Variants in PPARGC1A observed in about 807,000 individuals in gnomAD.
The protein encoded by PPARGC1A is PPARG coactivator 1 alpha.
PPARGC1A carries 25 observed loss-of-function variants against 88.7 expected under a neutral mutation model. The observed-to-expected ratio is 0.28, with a 90% CI of 0.21 to 0.39. PPARGC1A has a LOEUF of 0.39. PPARGC1A is among the 10% of genes least tolerant of loss of function. The pLI is 1.00. For synonymous variants in PPARGC1A, 363 were observed against 355.6 expected (o/e 1.02, Z -0.24); for missense variants, 880 against 968.7 (o/e 0.91, Z 1.22).
the PPARGC1A span, among the ~76,000 whole-genome samples, chr4:24,282,528 C>A: frequency 6.6e-6 from 1 of 152,214 alleles, no homozygotes; most frequent in Admixed American, 6.5e-5. Context: ...TCCATCAGAA[C>A]GTGTCACTGA....
chr4:23,859,848 AATAAAATAAC>A (rs1404681605), intron 2 of PPARGC1A, among the ~76,000 whole-genome samples: 2 of 114,068 alleles, frequency 1.8e-5, no homozygotes, highest in East Asian at 2.5e-4. Flanking sequence ...AATAAAATAA[AATAAAATAAC>A]ACCAAAAAAG....
intron 1 of PPARGC1A, among the ~76,000 whole-genome samples, chr4:23,895,505 C>T (rs976249436): frequency 7.2e-5 from 11 of 151,938 alleles, no homozygotes; most frequent in Admixed American, 2.0e-4. Flanking sequence ...AATAAATTCT[C>T]ATCTTAAGAA....
chr4:24,041,838 AC>A, the PPARGC1A span, among the ~76,000 whole-genome samples: 3 of 152,108 alleles, frequency 2.0e-5, no homozygotes, highest in African/African-American at 7.2e-5. Flanking sequence ...TATATGGGTA[AC>A]AAGTTGTTCT....
the PPARGC1A span, among the ~76,000 whole-genome samples, chr4:23,991,612 T>A: frequency 6.6e-6 from 1 of 152,002 alleles, no homozygotes; most frequent in Non-Finnish European, 1.5e-5. Context: ...TTGACCTGCA[T>A]CATCTCAGCT....
chr4:24,143,700 T>A, the PPARGC1A span, among the ~76,000 whole-genome samples: 7 of 152,366 alleles, frequency 4.6e-5, no homozygotes, highest in Admixed American at 2.0e-4. Flanking sequence ...TTTTGATCAC[T>A]TTTTTATTAA....
chr4:23,961,984 T>C, the PPARGC1A span, among the ~76,000 whole-genome samples: 3 of 152,116 alleles, frequency 2.0e-5, no homozygotes, highest in South Asian at 2.1e-4. Context: ...TAATGAGCAT[T>C]TGCACTGTTA....
At chr4:24,172,303 C>A in the PPARGC1A span, among the ~76,000 whole-genome samples, 7 of 152,184 alleles carry the variant, frequency 4.6e-5, no homozygotes, top group Non-Finnish European at 1.0e-4. Context: ...ACCTCCACCC[C>A]ACTCCATCCC....
chr4:24,074,059 T>C, the PPARGC1A span, among the ~76,000 whole-genome samples: 24 of 152,060 alleles, frequency 1.6e-4, no homozygotes, highest in Non-Finnish European at 2.9e-5. Context: ...AGGAGGAAAG[T>C]GTATTGGCCC....
chr4:24,353,387 T>TAA, the PPARGC1A span, among the ~76,000 whole-genome samples: 329 of 141,754 alleles, frequency 2.3e-3, 2 homozygotes, highest in Admixed American at 3.5e-3. Flanking sequence ...TCTGTGGGCT[T>TAA]AAAAAAAAAA....
At chr4:24,082,265 C>T in the PPARGC1A span, among the ~76,000 whole-genome samples, 1 of 152,144 alleles carries the variant, frequency 6.6e-6, no homozygotes, top group African/African-American at 2.4e-5. Context: ...AGATCATATT[C>T]TTTTATCAGG....
At chr4:23,846,222 T>C (rs997292789) in intron 2 of PPARGC1A, among the ~76,000 whole-genome samples, 13 of 152,158 alleles carry the variant, frequency 8.5e-5, no homozygotes, top group Non-Finnish European at 1.9e-4. Context: ...CCTATAACGA[T>C]AGGATGTAGT....
chr4:23,950,544 G>A, the PPARGC1A span, among the ~76,000 whole-genome samples: 1 of 152,086 alleles, frequency 6.6e-6, no homozygotes, highest in African/African-American at 2.4e-5. Flanking sequence ...CACTGGAACT[G>A]ACTCAGGAAT....
the PPARGC1A span, among the ~76,000 whole-genome samples, chr4:24,384,282 C>T: frequency 2.6e-5 from 4 of 152,050 alleles, no homozygotes; most frequent in African/African-American, 4.8e-5. Context: ...CAAAAACATA[C>T]CAAATTGTAA....
chr4:23,933,889 C>T, the PPARGC1A span, among the ~76,000 whole-genome samples: 1 of 152,184 alleles, frequency 6.6e-6, no homozygotes, highest in Non-Finnish European at 1.5e-5. Context: ...CCCACAGGCA[C>T]CATGACTTCA....
intron 12 of PPARGC1A, among the ~76,000 whole-genome samples, chr4:23,799,023 A>G (rs1158621679): frequency 6.6e-6 from 1 of 152,212 alleles, no homozygotes; most frequent in Non-Finnish European, 1.5e-5. Flanking sequence ...AATTGGTTAA[A>G]TCTATCTAGA....
the PPARGC1A span, among the ~76,000 whole-genome samples, chr4:24,069,732 ATAAAG>A: frequency 1.3e-5 from 2 of 152,250 alleles, no homozygotes; most frequent in Non-Finnish European, 1.5e-5. Context: ...TGCAAAGGAA[ATAAAG>A]TAATTTGTAA....
At chr4:23,811,916 TTTTTTTTTTTTTTTTTTTTG>T (rs1720980259) in intron 10 of PPARGC1A, among the ~76,000 whole-genome samples, 1 of 66,126 alleles carries the variant, frequency 1.5e-5, no homozygotes, top group African/African-American at 5.4e-5. Context: ...TTTTTTTTTT[TTTTTTTTTTTTTTTTTTTTG>T]AGACAGAGTC....
At chr4:23,981,684 G>A in the PPARGC1A span, among the ~76,000 whole-genome samples, 1 of 152,146 alleles carries the variant, frequency 6.6e-6, no homozygotes, top group Admixed American at 6.5e-5. Flanking sequence ...CAGAAATGCT[G>A]TAATACTTTT....
the PPARGC1A span, among the ~76,000 whole-genome samples, chr4:24,120,340 A>G: frequency 6.6e-6 from 1 of 152,200 alleles, no homozygotes; most frequent in African/African-American, 2.4e-5. Context: ...GAGATGGTTC[A>G]GAGACAACAG....
Sources: allele counts gnomAD v4.1 joint callset (sites outside exome capture counted in the v4.1 genomes callset), GRCh38; gene constraint gnomAD v4.1.1; transcripts MANE v1.5; gene names NCBI Gene and HGNC (gene_info 2026-07-23, HGNC 2026-07-21).